Variants in CNTNAP2 observed in about 807,000 individuals in gnomAD.
The protein encoded by CNTNAP2 is contactin associated protein 2, also known as contactin-associated protein-like 2.
In CNTNAP2, 98 loss-of-function variants were observed where a neutral mutation model predicts 155.2. The observed-to-expected ratio is 0.63, with a 90% CI of 0.54 to 0.75. CNTNAP2 has a LOEUF of 0.75. Among genes scored for constraint, CNTNAP2 ranks in the 30% least tolerant of loss-of-function variants. The pLI is 0.00. For synonymous variants in CNTNAP2, 651 were observed against 631.2 expected (o/e 1.03, Z -0.47); for missense variants, 1,727 against 1,688.1 (o/e 1.02, Z -0.40).
intron 13 of CNTNAP2, among the ~76,000 whole-genome samples, chr7:147,662,998 T>G (rs183054677): frequency 2.0e-5 from 3 of 152,128 alleles, no homozygotes; most frequent in African/African-American, 4.8e-5. Flanking sequence ...TTTGTTTGTT[T>G]GTTTGTTTGT....
intron 9 of CNTNAP2, among the ~76,000 whole-genome samples, chr7:147,328,487 A>G (rs1245592460): frequency 6.6e-6 from 1 of 152,218 alleles, no homozygotes; most frequent in Non-Finnish European, 1.5e-5. Context: ...CATGTGTGCA[A>G]GGACTGGGAC....
intron 15 of CNTNAP2, among the ~76,000 whole-genome samples, chr7:148,103,206 CTT>C (rs56941233): frequency 9.0e-4 from 127 of 141,264 alleles, no homozygotes; most frequent in African/African-American, 1.6e-3. Flanking sequence ...AGGTATGTAG[CTT>C]TTTTTTTTTT....
intron 13 of CNTNAP2, among the ~76,000 whole-genome samples, chr7:147,873,540 C>T (rs1245602738): frequency 6.6e-6 from 1 of 152,144 alleles, no homozygotes; most frequent in Non-Finnish European, 1.5e-5. Context: ...AGGAAAAACC[C>T]ACCCCCATGA....
chr7:148,230,135 A>G (rs1462962778), intron 20 of CNTNAP2, among the ~76,000 whole-genome samples: 2 of 152,168 alleles, frequency 1.3e-5, no homozygotes, highest in Non-Finnish European at 2.9e-5. Flanking sequence ...TTTCCCAGCA[A>G]AGGTTATTTT....
intron 3 of CNTNAP2, among the ~76,000 whole-genome samples, chr7:146,931,090 T>C (rs927611117): frequency 2.6e-5 from 4 of 151,704 alleles, no homozygotes; most frequent in African/African-American, 7.3e-5. Flanking sequence ...GTGGACCTAA[T>C]AGACATCTAC....
intron 1 of CNTNAP2, among the ~76,000 whole-genome samples, chr7:146,494,150 C>T (rs1371519520): frequency 2.6e-5 from 4 of 151,938 alleles, no homozygotes; most frequent in South Asian, 2.1e-4. Context: ...CTGGCTAACA[C>T]GGTGAAACGC....
intron 9 of CNTNAP2, among the ~76,000 whole-genome samples, chr7:147,343,013 A>G (rs1267427607): frequency 2.0e-5 from 3 of 152,144 alleles, no homozygotes; most frequent in Admixed American, 1.3e-4. Context: ...CTAATGTGTT[A>G]AAACCTTATA....
chr7:147,045,917 G>A (rs976376863), intron 4 of CNTNAP2, among the ~76,000 whole-genome samples: 2 of 151,936 alleles, frequency 1.3e-5, no homozygotes, highest in Admixed American at 6.6e-5. Flanking sequence ...CTACGTGTAT[G>A]TGCAATTTAT....
chr7:146,152,436 C>T (rs1798065847), intron 1 of CNTNAP2, among the ~76,000 whole-genome samples: 1 of 151,932 alleles, frequency 6.6e-6, no homozygotes, highest in African/African-American at 2.4e-5. Flanking sequence ...GATGAATAAG[C>T]CCAAGGGGTC....
intron 13 of CNTNAP2, among the ~76,000 whole-genome samples, chr7:147,839,757 A>C (rs2116649286): frequency 6.6e-6 from 1 of 152,314 alleles, no homozygotes; most frequent in Admixed American, 6.5e-5. Context: ...TCAGAATAAA[A>C]GAAATCATTA....
At chr7:146,896,356 C>G (rs1213817528) in intron 3 of CNTNAP2, among the ~76,000 whole-genome samples, 4 of 152,102 alleles carry the variant, frequency 2.6e-5, no homozygotes, top group African/African-American at 7.2e-5. Flanking sequence ...GTGATGCCTA[C>G]TAATCCTTAT....
At chr7:146,468,012 T>G (rs757780243) in intron 1 of CNTNAP2, among the ~76,000 whole-genome samples, 1 of 152,202 alleles carries the variant, frequency 6.6e-6, no homozygotes, top group African/African-American at 2.4e-5. Context: ...ATTTGTGTTC[T>G]CTAATACAAT....
At chr7:146,647,017 A>G (rs1356265656) in intron 1 of CNTNAP2, among the ~76,000 whole-genome samples, 1 of 152,212 alleles carries the variant, frequency 6.6e-6, no homozygotes, top group Non-Finnish European at 1.5e-5. Context: ...CACAATATCA[A>G]TGGTCACAAG....
intron 12 of CNTNAP2, among the ~76,000 whole-genome samples, chr7:147,601,626 C>T (rs1375348867): frequency 1.1e-5 from 1 of 93,672 alleles, no homozygotes; most frequent in South Asian, 4.9e-4. Flanking sequence ...CTCTTAAAGA[C>T]ATTGACTCTT....
chr7:147,711,423 C>T (rs1026785043), intron 13 of CNTNAP2, among the ~76,000 whole-genome samples: 17 of 152,138 alleles, frequency 1.1e-4, no homozygotes, highest in African/African-American at 3.9e-4. Context: ...GTACTCACAT[C>T]GAAGCTCCCA....
chr7:146,462,395 C>T (rs1796649782), intron 1 of CNTNAP2, among the ~76,000 whole-genome samples: 2 of 152,066 alleles, frequency 1.3e-5, no homozygotes, highest in South Asian at 4.2e-4. Flanking sequence ...AACAGATGAT[C>T]CTCTATTTCC....
chr7:146,525,578 C>A (rs11764166), intron 1 of CNTNAP2, among the ~76,000 whole-genome samples: 128 of 106,062 alleles, frequency 1.2e-3, no homozygotes, highest in African/African-American at 4.1e-3. Context: ...CTATCTATCT[C>A]TCTATCTATC....
intron 8 of CNTNAP2, among the ~76,000 whole-genome samples, chr7:147,207,558 A>G (rs1480131707): frequency 1.3e-5 from 2 of 152,112 alleles, no homozygotes; most frequent in Non-Finnish European, 2.9e-5. Flanking sequence ...CCAAAATTCA[A>G]TTTTCTAGAC....
intron 22 of CNTNAP2, among the ~76,000 whole-genome samples, chr7:148,388,757 A>G (rs1193293286): frequency 6.6e-6 from 1 of 152,000 alleles, no homozygotes; most frequent in African/African-American, 2.4e-5. Context: ...AACAGACAGG[A>G]CCCTCAGCTG....
Sources: allele counts gnomAD v4.1 joint callset (sites outside exome capture counted in the v4.1 genomes callset), GRCh38; gene constraint gnomAD v4.1.1; transcripts MANE v1.5; gene names NCBI Gene and HGNC (gene_info 2026-07-23, HGNC 2026-07-21).